Variants in GRM7 observed in about 807,000 individuals in gnomAD.
GRM7 encodes the protein metabotropic glutamate receptor 7.
In GRM7, 35 loss-of-function variants were observed where a neutral mutation model predicts 84.5. That is an observed-to-expected ratio of 0.41 (90% CI 0.32 to 0.55). The LOEUF is 0.55. GRM7 is among the 20% of genes least tolerant of loss of function. GRM7 has a pLI of 0.19. For synonymous variants in GRM7, 487 were observed against 455.1 expected (o/e 1.07, Z -0.89); for missense variants, 1,003 against 1,194.6 (o/e 0.84, Z 2.36).
chr3:7,629,979 G>A (rs545074382), intron 8 of GRM7, among the ~76,000 whole-genome samples: 1 of 152,280 alleles, frequency 6.6e-6, no homozygotes, highest in South Asian at 2.1e-4. Flanking sequence ...CTTTGGCTTT[G>A]GAGTAGTTTA....
At chr3:6,923,578 A>AT (rs1697199802) in intron 1 of GRM7, among the ~76,000 whole-genome samples, 2 of 152,046 alleles carry the variant, frequency 1.3e-5, no homozygotes, top group Admixed American at 6.6e-5. Flanking sequence ...GTTGGTTTTT[A>AT]TTTTTTGTTT....
chr3:7,080,619 C>A (rs372147296), intron 1 of GRM7, among the ~76,000 whole-genome samples: 1 of 151,902 alleles, frequency 6.6e-6, no homozygotes, highest in South Asian at 2.1e-4. Context: ...CACCTCATCA[C>A]ACAAGTAGAC....
chr3:7,668,569 T>G (rs1283985281), intron 8 of GRM7, among the ~76,000 whole-genome samples: 1 of 152,228 alleles, frequency 6.6e-6, no homozygotes, highest in Non-Finnish European at 1.5e-5. Context: ...TAGAAAAGTC[T>G]TTGCTGAGAA....
intron 1 of GRM7, among the ~76,000 whole-genome samples, chr3:6,962,526 T>C (rs1438238096): frequency 1.3e-5 from 2 of 152,040 alleles, no homozygotes; most frequent in African/African-American, 4.8e-5. Flanking sequence ...TATAATGAGA[T>C]TTTCTTCAAC....
chr3:7,567,697 C>T (rs1323802270), intron 7 of GRM7, among the ~76,000 whole-genome samples: 1 of 131,750 alleles, frequency 7.6e-6, no homozygotes, highest in African/African-American at 2.9e-5. Flanking sequence ...GCAGTGAGCC[C>T]AGATCATGCC....
rs550903502 is a variant in GRM7, at chr3:6,861,554, C to G, written c.166C>G (p.Pro56Ala). The G allele has an allele frequency of 6.3e-7, 1 of 1,592,768 alleles. No homozygotes were observed. Among genetic ancestry groups the G allele is most frequent in the African/African-American group, 1.3e-5 (1 of 74,570 alleles). ...GGACGTCACCCTCGGGGGGCTGTTC[C>G]CCGTGCACGCCAAGGGTCCCAGCGG... The part of the protein sequence containing the change: ...EGDVTLGGLF[P>A]VHAKGPSGVP... Residue 56 changes from proline to alanine, a missense_variant, in exon 1 of 10, where the codon CCC becomes GCC. By Grantham distance (27) the Pro-to-Ala change is conservative. Around this residue, in one of 2 missense-constraint regions of GRM7, gnomAD observed 910 missense variants for 1,126.0 expected, o/e 0.81. Transcript: ENST00000357716. The surrounding 1 kb of genome is among the most constrained non-coding windows in gnomAD (Gnocchi z 6.4).
intron 7 of GRM7, among the ~76,000 whole-genome samples, chr3:7,531,924 G>A (rs2125005347): frequency 6.6e-6 from 1 of 152,242 alleles, no homozygotes. Context: ...TATTCAGTAT[G>A]TTATTGTCCA....
At chr3:7,095,846 G>A (rs1698839254) in intron 1 of GRM7, among the ~76,000 whole-genome samples, 1 of 152,002 alleles carries the variant, frequency 6.6e-6, no homozygotes, top group Non-Finnish European at 1.5e-5. Flanking sequence ...AGAAAAAGTA[G>A]CAGCCTTGTT....
intron 5 of GRM7, among the ~76,000 whole-genome samples, chr3:7,432,689 A>C (rs1026528646): frequency 6.6e-6 from 1 of 152,192 alleles, no homozygotes; most frequent in Non-Finnish European, 1.5e-5. Context: ...CATGAAATAG[A>C]TGAATAAATG....
chr3:7,089,883 C>T (rs748726339), intron 1 of GRM7, among the ~76,000 whole-genome samples: 6 of 152,086 alleles, frequency 3.9e-5, no homozygotes, highest in Non-Finnish European at 7.4e-5. Context: ...CCCTCTGTCA[C>T]CCAGGTTGGA....
intron 5 of GRM7, among the ~76,000 whole-genome samples, chr3:7,451,024 T>TTGAGGTTGTAGAACTCTTATTG (rs367839256): frequency 2.0e-5 from 3 of 152,288 alleles, no homozygotes; most frequent in East Asian, 1.9e-4. Context: ...GGAAAAGGGG[T>TTGAGGTTGTAGAACTCTTATTG]TGAGGTTGTA....
chr3:7,280,334 A>G (rs1699212936), intron 2 of GRM7, among the ~76,000 whole-genome samples: 1 of 152,336 alleles, frequency 6.6e-6, no homozygotes, highest in South Asian at 2.1e-4. Context: ...GACATTTGGC[A>G]TATCACGTTC....
intron 2 of GRM7, among the ~76,000 whole-genome samples, chr3:7,222,670 G>GT (rs1268255725): frequency 3.9e-5 from 6 of 152,150 alleles, no homozygotes; most frequent in Admixed American, 3.3e-4. Flanking sequence ...TAAATGTTTG[G>GT]TTTTTTAAGC....
At chr3:7,330,720 C>T (rs73132221) in intron 4 of GRM7, among the ~76,000 whole-genome samples, 3,393 of 152,288 alleles carry the variant, frequency 0.022, 126 homozygotes, top group African/African-American at 0.076. Context: ...TCCCCAGCCA[C>T]GTGGAACGTG....
chr3:7,019,144 A>G (rs914113593), intron 1 of GRM7, among the ~76,000 whole-genome samples: 2 of 152,206 alleles, frequency 1.3e-5, no homozygotes, highest in African/African-American at 2.4e-5. Context: ...GTGAAAATGT[A>G]TAGTTTCTGT....
At chr3:7,229,759 A>ATATATATATATAT (rs1434216248) in intron 2 of GRM7, among the ~76,000 whole-genome samples, 5 of 30,408 alleles carry the variant, frequency 1.6e-4, no homozygotes, top group Non-Finnish European at 2.3e-4. Context: ...ATATATATAT[A>ATATATATATATAT]TTTTTTTTTT....
intron 7 of GRM7, among the ~76,000 whole-genome samples, chr3:7,530,518 C>T (rs1356891509): frequency 6.6e-6 from 1 of 152,174 alleles, no homozygotes; most frequent in African/African-American, 2.4e-5. Flanking sequence ...GGAATTGCCA[C>T]ACTGTCTTCC....
At chr3:7,316,946 C>G (rs1025942588) in intron 4 of GRM7, among the ~76,000 whole-genome samples, 1 of 151,848 alleles carries the variant, frequency 6.6e-6, no homozygotes, top group Non-Finnish European at 1.5e-5. Flanking sequence ...TCTGTCATCA[C>G]GAGGATAAGA....
At position 7,447,923 on chromosome 3, in the gene GRM7, C is replaced by T. The variant is rs192040504; in HGVS notation, c.1175-4684C>T. 2.8e-4 allele frequency among the ~76,000 whole-genome samples: 34 copies of T among 120,708 alleles called. No homozygotes were observed. The East Asian group carries it at 7.8e-3, about 28-fold the overall frequency. 79.2% of individuals were successfully genotyped at this position (120,708 alleles called of 152,430 possible). A position where few individuals can be genotyped will look rare whatever the true frequency, so the allele number is the denominator to read the frequency against. ...CCTCCCCCCACCCCACAACAGTCCC[C>T]GGAATGTGATGTTCCCCTTCCTGTG... On this transcript the variant is annotated intron_variant, in intron 5 of 9. Transcript: ENST00000357716.
Sources: allele counts gnomAD v4.1 joint callset (sites outside exome capture counted in the v4.1 genomes callset), GRCh38; gene constraint gnomAD v4.1.1; regional missense constraint gnomAD v4.1.1; non-coding constraint Gnocchi (gnomAD v3.1); transcripts MANE v1.5; gene names NCBI Gene and HGNC (gene_info 2026-07-23, HGNC 2026-07-21).